TTLL2: variants seen among roughly 807,000 people sequenced by gnomAD.
TTLL2 encodes the protein tubulin tyrosine ligase like 2.
Under a neutral mutation model 7.5 loss-of-function variants are expected in TTLL2, and 10 were observed. The observed-to-expected ratio is 1.33, with a 90% CI of 0.82 to 2.25. TTLL2 has a LOEUF of 2.25. TTLL2 is among the 30% of genes most tolerant of loss of function. The pLI is 0.00. For missense variants in TTLL2, 733 were observed against 735.7 expected, an observed-to-expected ratio of 1.00 and a Z score of 0.04; for synonymous variants, 284 against 280.3, an observed-to-expected ratio of 1.01 and a Z score of -0.13.
intron 1 of TTLL2, among the ~76,000 whole-genome samples, chr6:167,326,446 A>G (rs904756498): frequency 2.6e-5 from 4 of 152,096 alleles, no homozygotes; most frequent in Admixed American, 6.5e-5. Context: ...AGCCACAGCT[A>G]TCAACTATGC....
intron 1 of TTLL2, among the ~76,000 whole-genome samples, chr6:167,338,189 G>A (rs1259556895): frequency 1.4e-5 from 2 of 147,150 alleles, no homozygotes; most frequent in African/African-American, 5.0e-5. Flanking sequence ...CACACAACTC[G>A]TGCATACCAC....
chr6:167,336,976 C>T (rs1183819813), intron 1 of TTLL2, among the ~76,000 whole-genome samples: 2 of 152,178 alleles, frequency 1.3e-5, no homozygotes, highest in Admixed American at 6.5e-5. Flanking sequence ...TCAGGCCACA[C>T]CATGACCCAC....
At chr6:167,339,601 G>A (rs75165427) in intron 2 of TTLL2, among the ~76,000 whole-genome samples, 4 of 152,060 alleles carry the variant, frequency 2.6e-5, no homozygotes, top group Non-Finnish European at 5.9e-5. Flanking sequence ...GGGTGCATGG[G>A]GAACCATGGT....
intron 1 of TTLL2, among the ~76,000 whole-genome samples, chr6:167,337,410 C>T (rs777282486): frequency 3.9e-5 from 6 of 152,146 alleles, no homozygotes; most frequent in East Asian, 1.9e-4. Flanking sequence ...TGCCCTGTCT[C>T]GGACGGCGCT....
At position 167,341,956 on chromosome 6, in the gene TTLL2, G is replaced by T. The variant is rs2981979; in HGVS notation, c.*277G>T. The T allele has an allele frequency of 2.5e-6, 1 of 405,954 alleles. No individual in the cohort carries two copies. Among genetic ancestry groups the T allele is most frequent in the Non-Finnish European group, 4.4e-6 (1 of 228,978 alleles). 25.1% of individuals were successfully genotyped at this position (405,954 alleles called of 1,614,324 possible). A position where few individuals can be genotyped will look rare whatever the true frequency, so the allele number is the denominator to read the frequency against. On this transcript the variant is annotated 3_prime_UTR_variant, in exon 3 of 3. Coordinates refer to ENST00000239587, the MANE Select transcript of TTLL2 (RefSeq NM_031949.5). ...CACAGCCTCCCACCAGTAATTGAATGTGCTACACTACGATTATGCTATGTA... is the reference window on the plus strand; with the variant it reads ...CACAGCCTCCCACCAGTAATTGAATTTGCTACACTACGATTATGCTATGTA...
chr6:167,325,607 G>A (rs560159198), intron 1 of TTLL2, among the ~76,000 whole-genome samples: 23 of 152,152 alleles, frequency 1.5e-4, no homozygotes, highest in Non-Finnish European at 2.4e-4. Context: ...CCGATTGAAT[G>A]GCCGCTGTGC....
Position 167,338,692 on chromosome 6 carries a change from C to T in TTLL2, c.93C>T (p.Ser31=), listed in dbSNP as rs368295072. The T allele has an allele frequency of 1.9e-5, 30 of 1,614,094 alleles. No individual in the cohort carries two copies. Among genetic ancestry groups the T allele is most frequent in the African/African-American group, 8.0e-5 (6 of 75,012 alleles). The change falls in exon 2 of 3, where the codon TCC becomes TCT. Residue 31 remains serine, a synonymous_variant. Coordinates refer to ENST00000239587, the MANE Select transcript of TTLL2 (RefSeq NM_031949.5). ...TTPAFTLNIP[S]EANHTEQPPA... The stretch of plus-strand genomic sequence containing the variant: ...CAGCCTTTACCCTTAACATTCCATC[C>T]GAGGCAAACCACACTGAGCAGCCGC...
At chr6:167,333,476 TCCC>T (rs1198122318) in intron 1 of TTLL2, among the ~76,000 whole-genome samples, 45 of 8,872 alleles carry the variant, frequency 5.1e-3, no homozygotes, top group Middle Eastern at 0.045. Context: ...TAGGGAGGAT[TCCC>T]TCTTTTTCTA....
rs1779084797 is a variant in TTLL2, at chr6:167,341,081, C to T, written c.1181C>T (p.Thr394Ile). ...GAGGTCAACTACAGCCCAGCCTTGA[C>T]CTTGGATTGTTCAACAGATGTGTTG... ...LLEVNYSPALTLDCSTDVLVK... is the reference protein window; with the variant it reads ...LLEVNYSPALILDCSTDVLVK... Residue 394 changes from threonine (T) to isoleucine (I), a missense_variant, in exon 3 of 3, where the codon ACC becomes ATC. Physicochemically the swap from Thr to Ile is moderately conservative, Grantham distance 89. Coordinates refer to ENST00000239587, the MANE Select transcript of TTLL2 (RefSeq NM_031949.5). The T allele has an allele frequency of 1.2e-6, 2 of 1,613,724 alleles. No homozygotes were observed. Among genetic ancestry groups the T allele is most frequent in the Non-Finnish European group, 8.5e-7 (1 of 1,179,994 alleles).
intron 1 of TTLL2, among the ~76,000 whole-genome samples, chr6:167,336,358 CTAAT>C (rs1482118073): frequency 3.3e-5 from 5 of 151,908 alleles, no homozygotes; most frequent in Admixed American, 6.6e-5. Context: ...TATAATATAT[CTAAT>C]TAAGTATTGT....
chr6:167,339,559 G>A (rs534564672), intron 2 of TTLL2, among the ~76,000 whole-genome samples: 52 of 152,218 alleles, frequency 3.4e-4, no homozygotes, highest in African/African-American at 1.2e-3. Flanking sequence ...TCTATGCACC[G>A]AAACCCCTCC....
chr6:167,336,416 T>C (rs1778983978), intron 1 of TTLL2, among the ~76,000 whole-genome samples: 1 of 152,092 alleles, frequency 6.6e-6, no homozygotes, highest in Admixed American at 6.5e-5. Context: ...AAGATGTTAT[T>C]GTTGTATACT....
At chr6:167,332,263 T>G (rs1248360226) in intron 1 of TTLL2, among the ~76,000 whole-genome samples, 1 of 152,142 alleles carries the variant, frequency 6.6e-6, no homozygotes, top group East Asian at 1.9e-4. Flanking sequence ...TTGAACACAG[T>G]TTCAGCAGTT....
intron 1 of TTLL2, among the ~76,000 whole-genome samples, chr6:167,329,274 A>T (rs879533876): frequency 2.6e-5 from 4 of 152,108 alleles, no homozygotes; most frequent in Admixed American, 2.6e-4. Flanking sequence ...TAGCAAAATC[A>T]CACTTTTACC....
chr6:167,334,140 G>A (rs1444250638), intron 1 of TTLL2, among the ~76,000 whole-genome samples: 1 of 141,608 alleles, frequency 7.1e-6, no homozygotes, highest in African/African-American at 2.8e-5. Flanking sequence ...CTGGTATGTT[G>A]TGTCTTTGTT....
rs1457665055 is a variant in TTLL2, at chr6:167,341,010, T to C, written c.1110T>C (p.Phe370=). ...VPFAANCFEL[F]GFDILIDDNL... ...TTGCTGCCAATTGCTTTGAGCTCTTTGGGTTTGATATTTTGATTGATGACA... is the reference window on the plus strand; with the variant it reads ...TTGCTGCCAATTGCTTTGAGCTCTTCGGGTTTGATATTTTGATTGATGACA... Residue 370 remains phenylalanine, a synonymous_variant, in exon 3 of 3, where the codon TTT becomes TTC. Transcript: ENST00000239587. 3 of 1,614,146 alleles carry C rather than the reference T, an allele frequency of 1.9e-6. No individual in the cohort carries two copies. Among genetic ancestry groups the C allele is most frequent in the Admixed American group, 3.3e-5 (2 of 60,022 alleles).
intron 1 of TTLL2, among the ~76,000 whole-genome samples, chr6:167,331,548 A>G (rs1701494073): frequency 6.6e-6 from 1 of 152,088 alleles, no homozygotes; most frequent in African/African-American, 2.4e-5. Flanking sequence ...ATTTTATGTA[A>G]TGTTCTCCAG....
At chr6:167,330,153 A>G (rs1447266894) in intron 1 of TTLL2, among the ~76,000 whole-genome samples, 1 of 152,218 alleles carries the variant, frequency 6.6e-6, no homozygotes, top group African/African-American at 2.4e-5. Context: ...CGACCTAGAA[A>G]ACAGATGTTA....
chr6:167,335,396 T>G (rs62426140), intron 1 of TTLL2, among the ~76,000 whole-genome samples: 1 of 144,000 alleles, frequency 6.9e-6, no homozygotes, highest in African/African-American at 2.6e-5. Flanking sequence ...GTTCAACCAT[T>G]GTGGAAGTCA....
Sources: allele counts gnomAD v4.1 joint callset (sites outside exome capture counted in the v4.1 genomes callset), GRCh38; gene constraint gnomAD v4.1.1; transcripts MANE v1.5; gene names NCBI Gene and HGNC (gene_info 2026-07-23, HGNC 2026-07-21).